The following DPP6 variants were observed in gnomAD, a reference collection of about 807,000 sequenced individuals.
DPP6 encodes A-type potassium channel modulatory protein DPP6.
Under a neutral mutation model 122.6 loss-of-function variants are expected in DPP6, and 69 were observed. That is an observed-to-expected ratio of 0.56 (90% confidence interval 0.46 to 0.69). DPP6 has a LOEUF of 0.69. Among genes scored for constraint, DPP6 ranks in the 30% least tolerant of loss-of-function variants. The pLI is 0.00. For missense variants in DPP6, 928 were observed against 1,116.9 expected (o/e 0.83, Z 2.41); for synonymous variants, 418 against 433.1 (o/e 0.97, Z 0.43).
chr7:154,890,677 CAT>C (rs1024289890), intron 25 of DPP6: 5 of 152,402 alleles, frequency 3.3e-5, no homozygotes, highest in African/African-American at 9.6e-5. Context: ...CAGGGACACA[CAT>C]GTGGGCACAG....
intron 1 of DPP6, among the ~76,000 whole-genome samples, chr7:153,972,249 G>C (rs1270371948): frequency 6.7e-6 from 1 of 150,126 alleles, no homozygotes; most frequent in Non-Finnish European, 1.5e-5. Context: ...TAGCGCATGA[G>C]GCTGGGACCA....
chr7:154,590,061 G>A (rs781557654), intron 5 of DPP6, among the ~76,000 whole-genome samples: 7 of 152,290 alleles, frequency 4.6e-5, no homozygotes, highest in East Asian at 3.9e-4. Context: ...AAGCAAGGTC[G>A]TATTTTCTTT....
intron 1 of DPP6, among the ~76,000 whole-genome samples, chr7:154,195,021 T>G (rs189743173): frequency 7.9e-5 from 12 of 152,210 alleles, no homozygotes; most frequent in Non-Finnish European, 1.6e-4. Flanking sequence ...TTGGTTCTCT[T>G]ATAGATTATG....
chr7:154,262,227 T>C (rs1244575595), intron 1 of DPP6, among the ~76,000 whole-genome samples: 1 of 152,116 alleles, frequency 6.6e-6, no homozygotes, highest in Non-Finnish European at 1.5e-5. Context: ...GGCGGAGTGT[T>C]GTGTGGACTC....
At chr7:153,836,137 A>G in the DPP6 span, among the ~76,000 whole-genome samples, 1 of 152,240 alleles carries the variant, frequency 6.6e-6, no homozygotes, top group African/African-American at 2.4e-5. Flanking sequence ...GAACATTTAT[A>G]CGTGCACACT....
rs73494314 is a variant in DPP6, at chr7:153,891,777, C to T, written c.51+4043C>T. Among the ~76,000 whole-genome samples the T allele has an allele frequency of 6.4e-3, 968 of 152,244 alleles. 10 individuals carry two copies. The highest frequency in any genetic ancestry group is 0.022 in the African/African-American group (921 of 41,534). On this transcript the variant is annotated intron_variant, in intron 1 of 25. Transcript: ENST00000404039. ...TTGGGGACTGTCCTGTGACCCTTGG[C>T]GTCTCCCCCTTCCTTGGTGTGTGCA...
chr7:153,915,836 GT>G, intron 1 of DPP6, among the ~76,000 whole-genome samples: 1 of 152,284 alleles, frequency 6.6e-6, no homozygotes, highest in Middle Eastern at 3.4e-3. Context: ...TAAATAATAT[GT>G]TTAGACATGT....
intron 7 of DPP6, among the ~76,000 whole-genome samples, chr7:154,718,848 C>T (rs1234107795): frequency 6.6e-6 from 1 of 151,948 alleles, no homozygotes; most frequent in African/African-American, 2.4e-5. Flanking sequence ...CTGTGTTGGC[C>T]AGGCTGGTCT....
At chr7:154,430,718 A>G (rs902525631) in intron 1 of DPP6, among the ~76,000 whole-genome samples, 1 of 151,786 alleles carries the variant, frequency 6.6e-6, no homozygotes, top group Admixed American at 6.6e-5. Context: ...TTGACTGCCC[A>G]CTCTGTGCTT....
chr7:153,850,285 C>T, the DPP6 span, among the ~76,000 whole-genome samples: 1 of 152,050 alleles, frequency 6.6e-6, no homozygotes. Context: ...CTAATGGTGG[C>T]ATTCACTTCC....
intron 1 of DPP6, among the ~76,000 whole-genome samples, chr7:154,219,068 ATTTTAC>A (rs1423537492): frequency 1.3e-5 from 2 of 152,308 alleles, no homozygotes; most frequent in East Asian, 3.9e-4. Context: ...TCATTCTGAA[ATTTTAC>A]TTCCTAAGAT....
intron 1 of DPP6, among the ~76,000 whole-genome samples, chr7:154,259,553 G>C (rs939297652): frequency 6.6e-6 from 1 of 152,188 alleles, no homozygotes; most frequent in Non-Finnish European, 1.5e-5. Context: ...GTAGAGGACA[G>C]AGAGGACAGC....
chr7:154,736,054 A>T (rs1372574767), intron 8 of DPP6, among the ~76,000 whole-genome samples: 1 of 152,204 alleles, frequency 6.6e-6, no homozygotes, highest in Non-Finnish European at 1.5e-5. Context: ...ACACCAGCAC[A>T]TCCTAACCAG....
intron 1 of DPP6, among the ~76,000 whole-genome samples, chr7:154,372,600 A>C (rs1056415062): frequency 6.6e-6 from 1 of 152,204 alleles, no homozygotes; most frequent in Non-Finnish European, 1.5e-5. Flanking sequence ...CTTTTTTAAA[A>C]ATTGCTTCCT....
chr7:154,355,641 G>T (rs1171848432), intron 1 of DPP6, among the ~76,000 whole-genome samples: 1 of 152,118 alleles, frequency 6.6e-6, no homozygotes, highest in East Asian at 1.9e-4. Flanking sequence ...CCACATTACT[G>T]CTGTGAAACA....
chr7:154,448,380 A>G (rs1006564834), intron 2 of DPP6, among the ~76,000 whole-genome samples: 10 of 152,190 alleles, frequency 6.6e-5, no homozygotes, highest in Non-Finnish European at 1.3e-4. Context: ...AAAATAAAGA[A>G]GTATAAGACT....
At chr7:154,551,229 T>C (rs1829611077) in intron 4 of DPP6, among the ~76,000 whole-genome samples, 1 of 152,252 alleles carries the variant, frequency 6.6e-6, no homozygotes, top group Non-Finnish European at 1.5e-5. Flanking sequence ...CCAAGTAGTC[T>C]TGAAATAGTA....
chr7:153,913,000 A>G (rs187196339), intron 1 of DPP6, among the ~76,000 whole-genome samples: 22 of 152,328 alleles, frequency 1.4e-4, no homozygotes, highest in Non-Finnish European at 3.1e-4. Context: ...CTGGTAACCA[A>G]CGATGGAGGT....
chr7:154,006,978 A>G (rs1797941036), intron 1 of DPP6, among the ~76,000 whole-genome samples: 1 of 152,210 alleles, frequency 6.6e-6, no homozygotes, highest in Non-Finnish European at 1.5e-5. Flanking sequence ...TCCCCTGAGA[A>G]GATATTCAGC....
Sources: allele counts gnomAD v4.1 joint callset (sites outside exome capture counted in the v4.1 genomes callset), GRCh38; gene constraint gnomAD v4.1.1; transcripts MANE v1.5; gene names NCBI Gene and HGNC (gene_info 2026-07-23, HGNC 2026-07-21).